Variants in OSBPL8 observed in about 807,000 individuals in gnomAD.
The protein encoded by OSBPL8 is oxysterol binding protein like 8, also known as oxysterol-binding protein-related protein 8.
A neutral mutation model predicts 125.5 loss-of-function variants in OSBPL8; 59 were observed. The ratio of observed to expected loss-of-function variants is 0.47; its 90% CI spans 0.38 to 0.58. The LOEUF is 0.58. OSBPL8 is among the 20% of genes least tolerant of loss of function. The pLI, the probability that OSBPL8 is intolerant of heterozygous loss-of-function variation, is 0.00. For synonymous variants in OSBPL8, 330 were observed against 338.9 expected (o/e 0.97, Z 0.29); for missense variants, 758 against 1,047.8 (o/e 0.72, Z 3.82).
chr12:76,368,683 C>G (rs1952509014), intron 21 of OSBPL8, among the ~76,000 whole-genome samples: 1 of 152,040 alleles, frequency 6.6e-6, no homozygotes, highest in Non-Finnish European at 1.5e-5. Context: ...TTTTGAATAC[C>G]TCTAGTGAAT....
intron 1 of OSBPL8, among the ~76,000 whole-genome samples, chr12:76,538,430 T>C (rs1303876362): frequency 6.6e-6 from 1 of 152,242 alleles, no homozygotes; most frequent in Non-Finnish European, 1.5e-5. Flanking sequence ...GACCTGTCAC[T>C]AACTTTTGTT....
At chr12:76,557,815 A>G (rs1951154123) in intron 1 of OSBPL8, among the ~76,000 whole-genome samples, 1 of 152,222 alleles carries the variant, frequency 6.6e-6, no homozygotes, top group South Asian at 2.1e-4. Context: ...ATGTGTTATA[A>G]AAAACATATT....
At chr12:76,405,230 G>A (rs987139087) in intron 5 of OSBPL8, among the ~76,000 whole-genome samples, 1 of 152,118 alleles carries the variant, frequency 6.6e-6, no homozygotes, top group Admixed American at 6.5e-5. Flanking sequence ...AGGCTAAGGC[G>A]GGAGGATTGC....
At chr12:76,536,880 A>G (rs1478676895) in intron 1 of OSBPL8, 1 of 152,210 alleles carries the variant, frequency 6.6e-6, no homozygotes. Flanking sequence ...TAAATGTTAC[A>G]GTAGGACCCA....
At chr12:76,502,667 A>G (rs1880021471) in intron 1 of OSBPL8, among the ~76,000 whole-genome samples, 1 of 152,202 alleles carries the variant, frequency 6.6e-6, no homozygotes, top group Admixed American at 6.5e-5. Context: ...CAACAATCCA[A>G]TCTAGACAGG....
At chr12:76,418,581 A>AG (rs1245985050) in intron 4 of OSBPL8, among the ~76,000 whole-genome samples, 1 of 152,142 alleles carries the variant, frequency 6.6e-6, no homozygotes, top group African/African-American at 2.4e-5. Flanking sequence ...CTGTAATCTC[A>AG]GCGCTTCGGG....
In OSBPL8 at chr12:76,548,961, G is replaced by C. The variant is rs375598235; in HGVS notation, c.-68+10436C>G. 6.3e-4 allele frequency among the ~76,000 whole-genome samples: 95 copies of C among 151,954 alleles called. 2 individuals are homozygous for C. The highest frequency in any genetic ancestry group is 2.3e-3 in the African/African-American group (94 of 41,430). The stretch of plus-strand genomic sequence containing the variant: ...ATAAATTAGACACAAGGAGACACAA[G>C]GTATCTTTAAAAAAATCTAATTTGC... On this transcript the variant is annotated intron_variant, in intron 1 of 23. Transcript: ENST00000261183.
rs777738572 is a variant in OSBPL8, at chr12:76,397,823, G to C, written c.543C>G (p.Thr181=). Residue 181 remains threonine (T), a synonymous_variant, in exon 8 of 24, where the codon ACC becomes ACG. Coordinates refer to ENST00000261183, the MANE Select transcript of OSBPL8 (RefSeq NM_020841.5). ...LKPGVLLIYK[T]QKNGQWVGTV... ...TTCCTACCCACTGACCATTTTTTTG[G>C]GTTTTATAGATCAGTAGCACCCCAG... 1.2e-6 allele frequency: 2 copies of C among 1,613,812 alleles called. No homozygotes were observed. The highest frequency in any genetic ancestry group is 1.7e-6 in the Non-Finnish European group (2 of 1,179,930).
chr12:76,391,196 C>T (rs922204463), intron 10 of OSBPL8, among the ~76,000 whole-genome samples: 2 of 152,104 alleles, frequency 1.3e-5, no homozygotes, highest in African/African-American at 4.8e-5. Context: ...ATATTAAATT[C>T]TATTCGTCTG....
At chr12:76,485,885 T>C in intron 2 of OSBPL8, 1 of 274,880 alleles carries the variant, frequency 3.6e-6, no homozygotes, top group Non-Finnish European at 7.3e-6. Flanking sequence ...TTAATATCAC[T>C]AGAAGACCAA....
chr12:76,433,791 C>A (rs1244716345), intron 4 of OSBPL8, among the ~76,000 whole-genome samples: 3 of 151,584 alleles, frequency 2.0e-5, no homozygotes, highest in Non-Finnish European at 4.4e-5. Context: ...TGACCAACAT[C>A]GTGAAATGCC....
At chr12:76,438,529 C>A (rs1277436346) in intron 4 of OSBPL8, among the ~76,000 whole-genome samples, 1 of 152,044 alleles carries the variant, frequency 6.6e-6, no homozygotes, top group Non-Finnish European at 1.5e-5. Context: ...GAACAGTTAT[C>A]AGTTTGTTTC....
At chr12:76,503,600 G>A (rs1402923716) in intron 1 of OSBPL8, among the ~76,000 whole-genome samples, 4 of 152,120 alleles carry the variant, frequency 2.6e-5, no homozygotes, top group East Asian at 1.9e-4. Flanking sequence ...GTGCAGTGGC[G>A]CGATCTCGGC....
chr12:76,399,808 C>T lies in OSBPL8; in HGVS notation c.468+65G>A, dbSNP rs979625331. ...TGTCTTGTAGGCGTTAGGTATACTC[C>T]AGGCTTTTCCATTCCAGTAGGTAAA... is the stretch of plus-strand genomic sequence containing the variant. On this transcript the variant is annotated intron_variant, in intron 7 of 23. Coordinates refer to ENST00000261183, the MANE Select transcript of OSBPL8 (RefSeq NM_020841.5). The T allele has an allele frequency of 3.1e-5, 41 of 1,334,856 alleles. No homozygotes were observed. In the African/African-American group the frequency reaches 5.5e-4, roughly 18 times the overall value. The allele number at this position is 1,334,856 out of a possible 1,614,324, so 82.7% of individuals were successfully genotyped here.
At chr12:76,533,128 C>T (rs1787393649) in intron 1 of OSBPL8, among the ~76,000 whole-genome samples, 1 of 152,048 alleles carries the variant, frequency 6.6e-6, no homozygotes, top group Non-Finnish European at 1.5e-5. Context: ...CAATGTCAGA[C>T]ATAGAACATT....
intron 1 of OSBPL8, among the ~76,000 whole-genome samples, chr12:76,550,562 C>T (rs1186288319): frequency 1.3e-5 from 2 of 152,122 alleles, no homozygotes; most frequent in Admixed American, 1.3e-4. Context: ...CCATAAAATA[C>T]ACTAACACTA....
At chr12:76,376,333 A>G (rs561694925) in intron 16 of OSBPL8, among the ~76,000 whole-genome samples, 40 of 152,334 alleles carry the variant, frequency 2.6e-4, no homozygotes, top group African/African-American at 9.6e-4. Context: ...GCAATGTACA[A>G]TATTATCTTT....
intron 1 of OSBPL8, among the ~76,000 whole-genome samples, chr12:76,492,890 T>C (rs1431365848): frequency 6.6e-6 from 1 of 151,890 alleles, no homozygotes; most frequent in East Asian, 1.9e-4. Flanking sequence ...ACAAAACCAG[T>C]CCCTGATACT....
intron 16 of OSBPL8, among the ~76,000 whole-genome samples, chr12:76,376,892 A>T (rs1592554349): frequency 6.6e-6 from 1 of 152,072 alleles, no homozygotes; most frequent in Non-Finnish European, 1.5e-5. Context: ...CATCATCTAC[A>T]TTAGGTATTT....
Sources: gnomAD v4.1 joint callset for allele counts (sites outside exome capture counted in the v4.1 genomes callset) on GRCh38, gnomAD v4.1.1 for gene constraint, MANE v1.5 for transcripts, NCBI Gene and HGNC (gene_info 2026-07-23, HGNC 2026-07-21) for gene names.